Variants in CLIP2 observed in about 807,000 individuals in gnomAD.
The protein encoded by CLIP2 is CAP-Gly domain-containing linker protein 2.
A neutral mutation model predicts 111.7 loss-of-function variants in CLIP2; 41 were observed. The ratio of observed to expected loss-of-function variants is 0.37; its 90% CI spans 0.29 to 0.48. The LOEUF (loss-of-function observed/expected upper bound fraction) is 0.48, where lower values mean the gene tolerates loss of function less well. Ranked by LOEUF, CLIP2 falls within the 20% of genes least tolerant of loss-of-function variation. The pLI is 0.99. For missense variants in CLIP2, 1,160 were observed against 1,422.1 expected, an observed-to-expected ratio of 0.82 and a Z score of 2.96; for synonymous variants, 660 against 644.2, an observed-to-expected ratio of 1.02 and a Z score of -0.37.
chr7:74,394,078 T>A (rs1375608856), intron 13 of CLIP2, among the ~76,000 whole-genome samples: 1 of 152,028 alleles, frequency 6.6e-6, no homozygotes, highest in Admixed American at 6.6e-5. Context: ...TGGGTCTTTA[T>A]CCATTGTCTC....
intron 2 of CLIP2, among the ~76,000 whole-genome samples, chr7:74,327,343 T>C (rs1238212283): frequency 3.3e-5 from 5 of 152,190 alleles, no homozygotes; most frequent in African/African-American, 1.2e-4. Context: ...TCTCAAGTGA[T>C]CCACCTGCCT....
At chr7:74,370,147 C>T (rs1439018768) in intron 8 of CLIP2, among the ~76,000 whole-genome samples, 1 of 58,236 alleles carries the variant, frequency 1.7e-5, no homozygotes, top group African/African-American at 5.0e-5. Context: ...CAGAGCGAGA[C>T]TCTGCCTCAA....
rs1491055375 is a variant in CLIP2, at chr7:74,394,243, TTA to T, written c.2721-2829_2721-2828del. Among the ~76,000 whole-genome samples the T allele has an allele frequency of 3.1e-3, 391 of 126,236 alleles. 3 individuals carry two copies. The highest frequency in any genetic ancestry group is 0.01 in the African/African-American group (354 of 34,122). 82.8% of individuals were successfully genotyped at this position (126,236 alleles called of 152,430 possible). ...CTTCTGGGATACCTTCTTTTTCTTC[TTA>T]TTTTTTTTTTTTTTTTTTTTTTGAG... On this transcript the variant is annotated intron_variant, in intron 13 of 16. Coordinates refer to ENST00000223398, the MANE Select transcript of CLIP2 (RefSeq NM_003388.5).
chr7:74,339,126 G>A (rs1307715771), intron 3 of CLIP2, 122 bp downstream of exon 3: 1 of 867,242 alleles, frequency 1.2e-6, no homozygotes, highest in Admixed American at 2.8e-5. Flanking sequence ...GGCTCGGACA[G>A]GGTCCAGCCT....
At chr7:74,353,208 A>T (rs1470733428) in intron 3 of CLIP2, among the ~76,000 whole-genome samples, 1 of 151,902 alleles carries the variant, frequency 6.6e-6, no homozygotes, top group South Asian at 2.1e-4. Flanking sequence ...AAGCTCTAGT[A>T]TATACTAGAC....
At chr7:74,371,310 C>A (rs1486330179) in intron 8 of CLIP2, among the ~76,000 whole-genome samples, 2 of 148,812 alleles carry the variant, frequency 1.3e-5, no homozygotes, top group Non-Finnish European at 3.0e-5. Context: ...AATGAAGTTG[C>A]CCTTGAAATT....
chr7:74,308,493 T>G (rs1788554784), intron 1 of CLIP2, among the ~76,000 whole-genome samples: 1 of 152,036 alleles, frequency 6.6e-6, no homozygotes, highest in South Asian at 2.1e-4. Context: ...CATAATCTAG[T>G]TTGTTTATTT....
intron 10 of CLIP2, among the ~76,000 whole-genome samples, chr7:74,377,795 AGAGATTCTT>A (rs1790834198): frequency 6.6e-6 from 1 of 151,864 alleles, no homozygotes; most frequent in Admixed American, 6.6e-5. Flanking sequence ...AATTGTACTC[AGAGATTCTT>A]GAGTTTCCAG....
intron 15 of CLIP2, among the ~76,000 whole-genome samples, chr7:74,401,103 G>A (rs1791607075): frequency 6.6e-6 from 1 of 151,798 alleles, no homozygotes; most frequent in South Asian, 2.1e-4. Flanking sequence ...ACCCTGGTCT[G>A]AAGGGGGAGG....
intron 11 of CLIP2, among the ~76,000 whole-genome samples, chr7:74,384,307 G>A (rs1791023086): frequency 6.6e-6 from 1 of 152,092 alleles, no homozygotes. Flanking sequence ...CAGCTGATGG[G>A]CATTTGGGTT....
At chr7:74,310,983 CTT>C (rs34526196) in intron 1 of CLIP2, among the ~76,000 whole-genome samples, 2 of 142,220 alleles carry the variant, frequency 1.4e-5, no homozygotes, top group Non-Finnish European at 1.5e-5. Flanking sequence ...CTATTTTTAA[CTT>C]TTTTTTTTTT....
intron 3 of CLIP2, among the ~76,000 whole-genome samples, chr7:74,346,742 A>C (rs1476031258): frequency 5.4e-5 from 3 of 55,564 alleles, no homozygotes; most frequent in Non-Finnish European, 1.8e-4. Flanking sequence ...AAAAAAAAAA[A>C]CAAAACACTG....
chr7:74,307,352 A>G (rs535088405), intron 1 of CLIP2, among the ~76,000 whole-genome samples: 1 of 152,180 alleles, frequency 6.6e-6, no homozygotes, highest in Non-Finnish European at 1.5e-5. Context: ...ACAGCCACTT[A>G]GCAGTGTGTG....
At chr7:74,346,950 G>A (rs1789814784) in intron 3 of CLIP2, among the ~76,000 whole-genome samples, 1 of 151,680 alleles carries the variant, frequency 6.6e-6, no homozygotes, top group African/African-American at 2.4e-5. Context: ...GAGGAGGGAG[G>A]ACTGTTTGAG....
At chr7:74,293,921 T>TG (rs778364422) in intron 1 of CLIP2, among the ~76,000 whole-genome samples, 52 of 150,648 alleles carry the variant, frequency 3.5e-4, no homozygotes, top group Non-Finnish European at 5.5e-4. Context: ...GCTTTTTTTT[T>TG]GTTTTTTTTT....
chr7:74,351,382 C>T (rs1251735198), intron 3 of CLIP2, among the ~76,000 whole-genome samples: 13 of 142,492 alleles, frequency 9.1e-5, no homozygotes, highest in South Asian at 2.2e-4. Flanking sequence ...GTCCAGGAGG[C>T]CAAGGTTGTG....
chr7:74,304,831 A>G (rs910416927), intron 1 of CLIP2, among the ~76,000 whole-genome samples: 2 of 151,606 alleles, frequency 1.3e-5, no homozygotes, highest in Non-Finnish European at 1.5e-5. Flanking sequence ...TGTGGTCCCA[A>G]CTACTCGGGA....
intron 2 of CLIP2, among the ~76,000 whole-genome samples, chr7:74,326,954 G>A (rs1161598995): frequency 6.6e-6 from 1 of 150,740 alleles, no homozygotes; most frequent in Non-Finnish European, 1.5e-5. Context: ...TTTTTGAGAT[G>A]GAGTCTCACT....
chr7:74,317,463 C>T lies in CLIP2; in HGVS notation c.-67-17C>T. 2 of 1,325,366 alleles carry T rather than the reference C, an allele frequency of 1.5e-6. No homozygotes were observed. The highest frequency in any genetic ancestry group is 1.9e-6 in the Non-Finnish European group (2 of 1,032,262). The allele number at this position is 1,325,366 out of a possible 1,614,324, so 82.1% of individuals were successfully genotyped here. On this transcript the variant is annotated splice_polypyrimidine_tract_variant and intron_variant, in intron 1 of 16. Coordinates refer to ENST00000223398, the MANE Select transcript of CLIP2 (RefSeq NM_003388.5). ...ATTGGGAAGTGATGATGTGATCTCT[C>T]CTGTCTCTGCCCGCAGGTGAGTGAA...
Sources: gnomAD v4.1 joint callset for allele counts (sites outside exome capture counted in the v4.1 genomes callset) on GRCh38, gnomAD v4.1.1 for gene constraint, MANE v1.5 for transcripts, NCBI Gene and HGNC (gene_info 2026-07-23, HGNC 2026-07-21) for gene names.